The following EYA2 variants were observed in gnomAD, a reference collection of about 807,000 sequenced individuals.
EYA2 encodes EYA transcriptional coactivator and phosphatase 2.
Under a neutral mutation model 69.2 loss-of-function variants are expected in EYA2, and 31 were observed. That is an observed-to-expected ratio of 0.45 (90% CI 0.34 to 0.60). The LOEUF (loss-of-function observed/expected upper bound fraction) is 0.60, where lower values mean the gene tolerates loss of function less well. Ranked by LOEUF, EYA2 falls within the 20% of genes least tolerant of loss-of-function variation. The probability of loss-of-function intolerance (pLI) is 0.02; values close to 1 mark genes in which losing one functional copy is unlikely to be tolerated. For missense variants in EYA2, 622 were observed against 701.2 expected (o/e 0.89, Z 1.28); for synonymous variants, 257 against 279.4 (o/e 0.92, Z 0.80).
chr20:47,114,570 G>A (rs765756307), intron 9 of EYA2, among the ~76,000 whole-genome samples: 13 of 152,174 alleles, frequency 8.5e-5, no homozygotes, highest in Admixed American at 3.3e-4. Flanking sequence ...AGCCGAAATC[G>A]TGCCATTGCA....
At chr20:47,052,529 G>A (rs2030393072) in intron 5 of EYA2, among the ~76,000 whole-genome samples, 2 of 152,246 alleles carry the variant, frequency 1.3e-5, no homozygotes, top group Non-Finnish European at 1.5e-5. Context: ...TTTGGGGCTT[G>A]AGAGTGCCAG....
intron 4 of EYA2, among the ~76,000 whole-genome samples, chr20:47,014,183 G>A (rs1486179107): frequency 6.6e-6 from 1 of 152,092 alleles, no homozygotes; most frequent in Non-Finnish European, 1.5e-5. Context: ...CCTCCAACCT[G>A]GGGTTGCAGG....
intron 9 of EYA2, among the ~76,000 whole-genome samples, chr20:47,129,475 T>C (rs1470483895): frequency 6.6e-6 from 1 of 152,202 alleles, no homozygotes; most frequent in East Asian, 1.9e-4. Context: ...GCAAAGGCCC[T>C]GAGGCAGGAG....
At chr20:47,170,545 G>T (rs915879088) in intron 11 of EYA2, among the ~76,000 whole-genome samples, 7 of 151,966 alleles carry the variant, frequency 4.6e-5, no homozygotes, top group African/African-American at 7.2e-5. Flanking sequence ...TACTTGGGAG[G>T]CTGAGGCAGG....
intron 12 of EYA2, among the ~76,000 whole-genome samples, chr20:47,177,659 T>A (rs2034451305): frequency 1.3e-5 from 2 of 152,232 alleles, no homozygotes; most frequent in African/African-American, 4.8e-5. Context: ...CCAGATGACA[T>A]AAGGCCCAGT....
chr20:46,911,222 C>A (rs1429043233), intron 1 of EYA2, among the ~76,000 whole-genome samples: 1 of 145,392 alleles, frequency 6.9e-6, no homozygotes, highest in Non-Finnish European at 1.5e-5. Context: ...AGATTTGGAG[C>A]TGGATAATTT....
chr20:47,107,694 A>G (rs1009678371), intron 9 of EYA2, among the ~76,000 whole-genome samples: 1 of 151,748 alleles, frequency 6.6e-6, no homozygotes, highest in African/African-American at 2.4e-5. Context: ...GAGAGAAAGA[A>G]AAAACAAAAG....
chr20:47,166,068 C>T (rs1253830399), intron 10 of EYA2, among the ~76,000 whole-genome samples: 1 of 151,850 alleles, frequency 6.6e-6, no homozygotes, highest in South Asian at 2.1e-4. Context: ...AGGGGCTTCC[C>T]ACCATCCCCC....
intron 9 of EYA2, among the ~76,000 whole-genome samples, chr20:47,113,223 A>C (rs1417682268): frequency 6.6e-6 from 1 of 152,152 alleles, no homozygotes; most frequent in Non-Finnish European, 1.5e-5. Flanking sequence ...CTTAACCACA[A>C]GGAAATTGAT....
At chr20:47,089,972 T>C (rs929609431) in intron 8 of EYA2, among the ~76,000 whole-genome samples, 1 of 152,046 alleles carries the variant, frequency 6.6e-6, no homozygotes, top group African/African-American at 2.4e-5. Context: ...TATTGATCTG[T>C]GTGGAGGCTG....
chr20:47,183,925 C>G (rs1434507744), intron 15 of EYA2, among the ~76,000 whole-genome samples: 1 of 152,130 alleles, frequency 6.6e-6, no homozygotes, highest in African/African-American at 2.4e-5. Flanking sequence ...ACCCCCAACC[C>G]GGAGGCCTGG....
chr20:46,996,960 G>C (rs1982065151), intron 2 of EYA2, among the ~76,000 whole-genome samples: 1 of 152,084 alleles, frequency 6.6e-6, no homozygotes, highest in African/African-American at 2.4e-5. Flanking sequence ...ACGCCAGAAA[G>C]TGGCTCGAGA....
At chr20:46,995,425 C>G (rs1235816349) in intron 2 of EYA2, among the ~76,000 whole-genome samples, 1 of 152,148 alleles carries the variant, frequency 6.6e-6, no homozygotes, top group Non-Finnish European at 1.5e-5. Flanking sequence ...TCAGTGGCAC[C>G]TCCCGCAAGA....
At chr20:46,905,276 C>T (rs1021068516) in intron 1 of EYA2, among the ~76,000 whole-genome samples, 4 of 152,148 alleles carry the variant, frequency 2.6e-5, no homozygotes, top group Non-Finnish European at 5.9e-5. Context: ...GACTGCCCAG[C>T]GGCATTCCAT....
intron 2 of EYA2, among the ~76,000 whole-genome samples, chr20:46,999,161 T>C (rs928028648): frequency 4.6e-5 from 7 of 152,236 alleles, no homozygotes; most frequent in African/African-American, 1.2e-4. Context: ...CCCATAGATT[T>C]AGATTTTTAT....
intron 15 of EYA2, among the ~76,000 whole-genome samples, chr20:47,185,638 T>C (rs958245766): frequency 2.6e-5 from 4 of 152,062 alleles, no homozygotes; most frequent in African/African-American, 4.8e-5. Flanking sequence ...ATTGGCCAGG[T>C]GGCAACCAGA....
At chr20:46,905,703 G>T (rs1353206064) in intron 1 of EYA2, among the ~76,000 whole-genome samples, 2 of 152,176 alleles carry the variant, frequency 1.3e-5, no homozygotes, top group Non-Finnish European at 2.9e-5. Flanking sequence ...AGAGGGTATG[G>T]GGTCCCCTCT....
intron 1 of EYA2, among the ~76,000 whole-genome samples, chr20:46,951,011 G>A (rs1978763565): frequency 6.6e-6 from 1 of 152,138 alleles, no homozygotes; most frequent in Non-Finnish European, 1.5e-5. Flanking sequence ...TGAGGGAGCT[G>A]GGGTCTTTAT....
chr20:46,967,742 G>C (rs1276322806), intron 1 of EYA2, among the ~76,000 whole-genome samples: 1 of 152,178 alleles, frequency 6.6e-6, no homozygotes, highest in Admixed American at 6.5e-5. Flanking sequence ...AGCTCACATG[G>C]CTCCTGGTGC....
Sources: gnomAD v4.1 joint callset for allele counts (sites outside exome capture counted in the v4.1 genomes callset) on GRCh38, gnomAD v4.1.1 for gene constraint, MANE v1.5 for transcripts, NCBI Gene and HGNC (gene_info 2026-07-23, HGNC 2026-07-21) for gene names.